The following LAMA5 variants were observed in gnomAD, a reference collection of about 807,000 sequenced individuals.
LAMA5 encodes laminin subunit alpha 5, also known as laminin subunit alpha-5.
A neutral mutation model predicts 433.4 loss-of-function variants in LAMA5; 260 were observed. The observed-to-expected ratio is 0.60, with a 90% CI of 0.54 to 0.66. The LOEUF (loss-of-function observed/expected upper bound fraction) is 0.66. Ranked by LOEUF, LAMA5 falls within the 30% of genes least tolerant of loss-of-function variation. LAMA5 has a pLI of 0.00. For synonymous variants in LAMA5, 2,620 were observed against 2,226.6 expected (o/e 1.18, Z -4.97); for missense variants, 5,378 against 5,258.5 (o/e 1.02, Z -0.70).
In LAMA5 at chr20:62,331,645, G is replaced by A. The variant is rs141790755; in HGVS notation, c.3553-516C>T. On this transcript the variant is annotated intron_variant, in intron 28 of 79. Coordinates refer to ENST00000252999, the MANE Select transcript of LAMA5 (RefSeq NM_005560.6). ...CACTCAGCAGGCACAAGCCGCAAAT[G>A]GGTGCTCCCTTTCCGTGCGGCCATG... Among the ~76,000 whole-genome samples the A allele has an allele frequency of 5.1e-4, 78 of 152,344 alleles. No individual in the cohort carries two copies. In the Middle Eastern group the frequency reaches 0.01, roughly 20 times the overall value.
At position 62,317,774 on chromosome 20, in the gene LAMA5, C is replaced by G. The variant is rs763353096; in HGVS notation, c.7244G>C (p.Arg2415Thr). ...NQERLEEALQ[R>T]KQELSRDNAT... Reference sequence around the variant, plus strand: ...ATTGTCCCGGGACAGCTCCTGCTTCCTTTGCTGAAGGCAATGCAGGGGAGT... The same window carrying G: ...ATTGTCCCGGGACAGCTCCTGCTTCGTTTGCTGAAGGCAATGCAGGGGAGT... Residue 2415 changes from arginine to threonine, a missense_variant, in exon 54 of 80, where the codon AGG becomes ACG. Physicochemically the swap from Arg to Thr is moderately conservative, Grantham distance 71 (BLOSUM62 -1). Coordinates refer to ENST00000252999, the MANE Select transcript of LAMA5 (RefSeq NM_005560.6). The G allele has an allele frequency of 1.3e-6, 2 of 1,594,882 alleles. No homozygotes were observed. Among genetic ancestry groups the G allele is most frequent in the Non-Finnish European group, 8.5e-7 (1 of 1,171,480 alleles).
chr20:62,351,365 T>C, intron 6 of LAMA5: 1 of 457,146 alleles, frequency 2.2e-6, no homozygotes. Context: ...TCCCCATTGC[T>C]GACTCCCCTC....
chr20:62,317,035 G>A lies in LAMA5; in HGVS notation c.7512-12C>T, dbSNP rs747407560. ...CGTCCAGGATGATGCTGCAGCGGAA[G>A]GGAGGGTCGAAGGAGTGGGTAAGCG... On this transcript the variant is annotated splice_polypyrimidine_tract_variant and intron_variant, in intron 55 of 79. Transcript: ENST00000252999. 2.4e-5 allele frequency: 36 copies of A among 1,517,876 alleles called. No individual in the cohort carries two copies. The highest frequency in any genetic ancestry group is 2.9e-5 in the Non-Finnish European group (33 of 1,131,696). 94.0% of individuals were successfully genotyped at this position (1,517,876 alleles called of 1,614,324 possible).
At chr20:62,337,968 G>A (rs1981966706) in intron 14 of LAMA5, 30 bp from the exon 15 acceptor site, 4 of 1,597,512 alleles carry the variant, frequency 2.5e-6, no homozygotes, top group Non-Finnish European at 3.4e-6. Context: ...TCAGGCCCTG[G>A]CGCCATGTGG....
chr20:62,321,550 A>AAGAGGGCGCCAGTGGAGGC, intron 48 of LAMA5, among the ~76,000 whole-genome samples: 1 of 59,860 alleles, frequency 1.7e-5, no homozygotes. Flanking sequence ...CCAGTGGAGG[A>AAGAGGGCGCCAGTGGAGGC]AGAGGGGGCC....
Position 62,332,580 on chromosome 20 carries a change from G to C in LAMA5, c.3420C>G (p.Leu1140=), listed in dbSNP as rs1443161589. 3 of 1,593,860 alleles carry C rather than the reference G, an allele frequency of 1.9e-6. No homozygotes were observed. The highest frequency in any genetic ancestry group is 2.2e-5 in the South Asian group (2 of 89,988). Residue 1140 remains leucine, a synonymous_variant, in exon 27 of 80, where the codon CTC becomes CTG. Coordinates refer to ENST00000252999, the MANE Select transcript of LAMA5 (RefSeq NM_005560.6). The part of the protein sequence containing the change: ...TPQRAPQQGL[L]SLHPCLYSTL... ...ACCTGTACAGGCAGGGGTGCAGGGA[G>C]AGCAGCCCCTGCTGGGGGGCCCGCT... is the stretch of plus-strand genomic sequence containing the variant.
At chr20:62,325,023 C>A (rs941156259) in intron 41 of LAMA5, 5 of 336,210 alleles carry the variant, frequency 1.5e-5, no homozygotes, top group Non-Finnish European at 2.8e-5. Flanking sequence ...TGGGGGATGT[C>A]CAGGTGACCC....
chr20:62,320,429 C>T (rs547091639), intron 50 of LAMA5, 130 bp downstream of exon 50: 219 of 656,112 alleles, frequency 3.3e-4, no homozygotes, highest in Admixed American at 7.5e-4. Context: ...CCCTAAGACT[C>T]TCGAGCTCCT....
chr20:62,310,467 G>C lies in LAMA5; in HGVS notation c.10552C>G (p.Leu3518Val), dbSNP rs755709074. The C allele has an allele frequency of 2.5e-6, 4 of 1,597,912 alleles. No homozygotes were observed. Among genetic ancestry groups the C allele is most frequent in the African/African-American group, 1.3e-5 (1 of 74,244 alleles). ...AGVTPCILGP[L>V]EAGLFFPGSG... ...CCTGGGAAGAACAGGCCCGCCTCCA[G>C]GGGGCCCAAGATGCAGGGTGTGACC... Residue 3518 changes from leucine to valine, a missense_variant, in exon 76 of 80, where the codon CTG becomes GTG. Physicochemically the swap from Leu to Val is conservative, Grantham distance 32 (BLOSUM62 1). Coordinates refer to ENST00000252999, the MANE Select transcript of LAMA5 (RefSeq NM_005560.6).
At chr20:62,360,787 A>T (rs986297363) in intron 2 of LAMA5, among the ~76,000 whole-genome samples, 7 of 152,054 alleles carry the variant, frequency 4.6e-5, no homozygotes, top group Non-Finnish European at 8.8e-5. Flanking sequence ...GCGGAACCTG[A>T]TTTCTGGCCC....
chr20:62,331,314 G>T, intron 28 of LAMA5, among the ~76,000 whole-genome samples, 185 bp from the exon 29 acceptor site: 1 of 117,098 alleles, frequency 8.5e-6, no homozygotes, highest in East Asian at 2.7e-4. Flanking sequence ...TACGATGGGG[G>T]GTGCAGGCGG....
intron 2 of LAMA5, among the ~76,000 whole-genome samples, chr20:62,361,856 C>T (rs1184628032): frequency 1.3e-5 from 2 of 152,228 alleles, no homozygotes; most frequent in Admixed American, 6.5e-5. Context: ...CACCCAGCTG[C>T]AGCCTCCTGC....
At chr20:62,356,753 C>T (rs1985301542) in intron 2 of LAMA5, among the ~76,000 whole-genome samples, 1 of 152,172 alleles carries the variant, frequency 6.6e-6, no homozygotes, top group African/African-American at 2.4e-5. Flanking sequence ...CTTCCCCTTC[C>T]TGGGCACAGG....
rs767537679 is a variant in LAMA5 at position 62,346,160 on chromosome 20, T to A, written c.1338A>T (p.Arg446=). The change falls in exon 10 of 80, where the codon CGA becomes CGT. Residue 446 remains arginine (R), a synonymous_variant. Transcript: ENST00000252999. ...CAGAGAAGTTGGGCCGGCAGTAGCA[T>A]CGACCCGTCAGGTCCTCGCAGGTGC... ...TDGTCEDLTG[R]CYCRPNFSGE... 2 of 1,612,946 alleles carry A rather than the reference T, an allele frequency of 1.2e-6. No individual in the cohort carries two copies. Among genetic ancestry groups the A allele is most frequent in the South Asian group, 2.2e-5 (2 of 91,054 alleles).
chr20:62,362,870 AG>A (rs113325908), intron 1 of LAMA5, among the ~76,000 whole-genome samples: 23,078 of 113,114 alleles, frequency 0.2, 2,819 homozygotes, highest in African/African-American at 0.4. Context: ...CTACGTGGTA[AG>A]GGGGGGGGTG....
rs1414149623 is a variant in LAMA5, at chr20:62,336,328, G to A, written c.2323+12C>T. The A allele has an allele frequency of 1.3e-6, 2 of 1,584,056 alleles. No individual in the cohort carries two copies. Among genetic ancestry groups the A allele is most frequent in the Non-Finnish European group, 1.7e-6 (2 of 1,160,096 alleles). On this transcript the variant is annotated intron_variant, in intron 18 of 79. Transcript: ENST00000252999. The stretch of plus-strand genomic sequence containing the variant: ...GGAACCCCTGTACCCCAATACTCCA[G>A]GGCACACTCACGGGTACAGCCCTCG...
At position 62,311,448 on chromosome 20, in the gene LAMA5, G is replaced by T; in HGVS notation, c.9895C>A (p.Gln3299Lys). Residue 3299 changes from glutamine to lysine, a missense_variant, in exon 72 of 80, where the codon CAG becomes AAG. Transcript: ENST00000252999. ...CCTCTAGGCCCCAGGCCCGGGGTCT[G>T]GGCTTGCAGGGCGGGTGCACAGCCC... ...STGCAPALQA[Q>K]TPGLGPRGLQ... is the part of the protein sequence containing the mutation. The T allele has an allele frequency of 6.2e-7, 1 of 1,603,298 alleles. No homozygotes were observed. The highest frequency in any genetic ancestry group is 8.5e-7 in the Non-Finnish European group (1 of 1,175,394).
Position 62,320,777 on chromosome 20 carries a change from G to A in LAMA5, c.6610C>T (p.Arg2204Cys), listed in dbSNP as rs146902684. The A allele has an allele frequency of 4.7e-5, 76 of 1,612,536 alleles. No individual in the cohort carries two copies. Among genetic ancestry groups the A allele is most frequent in the Admixed American group, 1.3e-4 (8 of 59,940 alleles). The change falls in exon 49 of 80, where the codon CGT becomes TGT. Residue 2204 changes from arginine (R) to cysteine (C), a missense_variant. Physicochemically the swap from Arg to Cys is radical, Grantham distance 180. Transcript: ENST00000252999. ...GINASSMAWA[R>C]LHRLNASIAD... ...ATGGAGGCGTTCAGCCTGTGCAGAC[G>A]GGCCCAGGCCATGGAGCTGGCATTG...
intron 2 of LAMA5, among the ~76,000 whole-genome samples, chr20:62,358,330 C>T (rs573776663): frequency 6.0e-4 from 92 of 152,262 alleles, no homozygotes; most frequent in African/African-American, 2.0e-3. Context: ...CCCCGCCGTA[C>T]CCCCCAGGGA....
Sources: gnomAD v4.1 joint callset for allele counts (sites outside exome capture counted in the v4.1 genomes callset) on GRCh38, gnomAD v4.1.1 for gene constraint, MANE v1.5 for transcripts, NCBI Gene and HGNC (gene_info 2026-07-23, HGNC 2026-07-21) for gene names.